The following UNC13C variants were observed in gnomAD, a reference collection of about 807,000 sequenced individuals.
The protein encoded by UNC13C is protein unc-13 homolog C.
Under a neutral mutation model 245.4 loss-of-function variants are expected in UNC13C, and 174 were observed. The ratio of observed to expected loss-of-function variants is 0.71; its 90% CI spans 0.63 to 0.80. The LOEUF is 0.80. Among genes scored for constraint, UNC13C ranks in the 30% least tolerant of loss-of-function variants. The pLI, the probability that UNC13C is intolerant of heterozygous loss-of-function variation, is 0.00. For synonymous variants in UNC13C, 992 were observed against 895.1 expected (o/e 1.11, Z -1.93); for missense variants, 2,829 against 2,602.9 (o/e 1.09, Z -1.89).
intron 4 of UNC13C, among the ~76,000 whole-genome samples, chr15:54,213,864 G>A (rs980559010): frequency 2.0e-5 from 3 of 151,952 alleles, no homozygotes; most frequent in Non-Finnish European, 4.4e-5. Flanking sequence ...TCAGAGGTGA[G>A]GGAATTTTCT....
At chr15:54,046,858 C>A (rs1038157454) in intron 2 of UNC13C, among the ~76,000 whole-genome samples, 3 of 151,368 alleles carry the variant, frequency 2.0e-5, no homozygotes, top group African/African-American at 7.3e-5. Flanking sequence ...TTCCAACATT[C>A]CAGAAAAGAA....
chr15:54,474,872 C>T (rs550213909), intron 19 of UNC13C, among the ~76,000 whole-genome samples: 24 of 151,882 alleles, frequency 1.6e-4, no homozygotes, highest in African/African-American at 3.4e-4. Flanking sequence ...AGGCATCACA[C>T]GACAAGAGAG....
intron 4 of UNC13C, among the ~76,000 whole-genome samples, chr15:54,153,967 A>C (rs2032635229): frequency 6.6e-6 from 1 of 152,046 alleles, no homozygotes; most frequent in Non-Finnish European, 1.5e-5. Flanking sequence ...ATTTTGATTT[A>C]TTCATATAAC....
At chr15:54,264,043 G>T in intron 8 of UNC13C, 125 bp from the exon 9 acceptor site, 1 of 897,506 alleles carries the variant, frequency 1.1e-6, no homozygotes, top group Non-Finnish European at 1.7e-6. Flanking sequence ...TTTCTAAAAA[G>T]CCACCTGACT....
intron 30 of UNC13C, among the ~76,000 whole-genome samples, chr15:54,617,249 A>C (rs915613518): frequency 6.6e-6 from 1 of 152,112 alleles, no homozygotes; most frequent in East Asian, 1.9e-4. Flanking sequence ...GTAATTTTTT[A>C]ATCTTTTGTT....
intron 2 of UNC13C, among the ~76,000 whole-genome samples, chr15:54,108,239 T>G (rs999136843): frequency 5.3e-5 from 8 of 152,022 alleles, no homozygotes; most frequent in Non-Finnish European, 1.2e-4. Context: ...CAGGCTGGAG[T>G]GCAGTGGCGC....
chr15:54,420,753 A>G (rs1027127658), intron 19 of UNC13C, among the ~76,000 whole-genome samples: 3 of 152,036 alleles, frequency 2.0e-5, no homozygotes, highest in Admixed American at 1.3e-4. Context: ...GAGGTGAGCA[A>G]GAAATGACTC....
chr15:54,481,879 G>A (rs912323702), intron 19 of UNC13C, among the ~76,000 whole-genome samples: 1 of 152,164 alleles, frequency 6.6e-6, no homozygotes, highest in East Asian at 1.9e-4. Context: ...ATAGGCAGCA[G>A]TGGTGATGTG....
chr15:54,347,471 A>C (rs1484324226), intron 17 of UNC13C, among the ~76,000 whole-genome samples: 3 of 152,204 alleles, frequency 2.0e-5, no homozygotes, highest in Admixed American at 6.5e-5. Flanking sequence ...GTATTAAGAT[A>C]TGCCTTAACT....
At chr15:54,190,518 G>A (rs553842917) in intron 4 of UNC13C, among the ~76,000 whole-genome samples, 23 of 151,886 alleles carry the variant, frequency 1.5e-4, no homozygotes, top group African/African-American at 4.8e-4. Context: ...TAGATTATGC[G>A]CCATTCTTCA....
At chr15:54,010,131 T>C (rs562606854) in intron 1 of UNC13C, among the ~76,000 whole-genome samples, 5 of 152,218 alleles carry the variant, frequency 3.3e-5, no homozygotes, top group South Asian at 2.1e-4. Context: ...TTAGGCTTAC[T>C]GGAACCTATA....
chr15:54,349,844 T>G (rs1027093037), intron 17 of UNC13C, among the ~76,000 whole-genome samples: 2 of 152,136 alleles, frequency 1.3e-5, no homozygotes, highest in African/African-American at 4.8e-5. Flanking sequence ...ATCCATAAAA[T>G]GTAGTGGGTA....
chr15:54,625,046 C>A lies in UNC13C; in HGVS notation c.6359+1092C>A, dbSNP rs1901047572. 2.0e-5 allele frequency among the ~76,000 whole-genome samples: 3 copies of A among 152,042 alleles called. No individual in the cohort carries two copies. The South Asian group carries it at 6.2e-4, about 32-fold the overall frequency. ...TATTAATGGAAAGAACTATTCATTTCTTTTCAGTTTGATGTATACATTTCA... is the reference window on the plus strand; with the variant it reads ...TATTAATGGAAAGAACTATTCATTTATTTTCAGTTTGATGTATACATTTCA... On this transcript the variant is annotated intron_variant, in intron 32 of 32. Transcript: ENST00000260323.
Position 54,144,546 on chromosome 15 carries a change from A to C in UNC13C, c.3071+862A>C, listed in dbSNP as rs1207331602. 2.0e-5 allele frequency among the ~76,000 whole-genome samples: 3 copies of C among 152,224 alleles called. No individual in the cohort carries two copies. In the East Asian group the frequency reaches 5.8e-4, roughly 29 times the overall value. ...AAAGCACTTAAGAGATGTTTCCTTC[A>C]GACAGCTAGTGAGTGACAAAGTCAG... On this transcript the variant is annotated intron_variant, in intron 4 of 32. Transcript: ENST00000260323.
intron 24 of UNC13C, among the ~76,000 whole-genome samples, chr15:54,524,287 G>A (rs907701784): frequency 1.1e-4 from 17 of 150,374 alleles, no homozygotes; most frequent in Non-Finnish European, 2.9e-5. Flanking sequence ...GGTAGCCTGT[G>A]TGTCTGGACA....
At chr15:54,000,316 C>G (rs934492863) in intron 1 of UNC13C, among the ~76,000 whole-genome samples, 11 of 152,194 alleles carry the variant, frequency 7.2e-5, no homozygotes, top group African/African-American at 2.6e-4. Flanking sequence ...CAAGTAACCT[C>G]TCCAAACTTT....
At chr15:54,281,450 A>G (rs951056215) in intron 10 of UNC13C, among the ~76,000 whole-genome samples, 1 of 152,194 alleles carries the variant, frequency 6.6e-6, no homozygotes, top group African/African-American at 2.4e-5. Context: ...CTAAATATGT[A>G]GTTGTATGTA....
intron 4 of UNC13C, among the ~76,000 whole-genome samples, chr15:54,175,095 TG>T (rs2033560457): frequency 6.6e-6 from 1 of 152,104 alleles, no homozygotes; most frequent in Admixed American, 6.5e-5. Flanking sequence ...CCCCAGCCTT[TG>T]GCTACATTCA....
At chr15:54,524,380 G>A (rs28494166) in intron 24 of UNC13C, among the ~76,000 whole-genome samples, 1 of 152,166 alleles carries the variant, frequency 6.6e-6, no homozygotes, top group African/African-American at 2.4e-5. Context: ...TCTGATAGAG[G>A]GCAGAAGCTA....
Sources: gnomAD v4.1 joint callset for allele counts (sites outside exome capture counted in the v4.1 genomes callset) on GRCh38, gnomAD v4.1.1 for gene constraint, MANE v1.5 for transcripts, NCBI Gene and HGNC (gene_info 2026-07-23, HGNC 2026-07-21) for gene names.